CCNB2: variants seen among roughly 807,000 people sequenced by gnomAD.
The protein encoded by CCNB2 is cyclin B2, also known as G2/mitotic-specific cyclin-B2.
Under a neutral mutation model 51.1 loss-of-function variants are expected in CCNB2, and 39 were observed. The observed-to-expected ratio is 0.76, with a 90% CI of 0.59 to 1.00. CCNB2 has a LOEUF of 1.00. CCNB2 is among the 50% of genes least tolerant of loss of function. The pLI is 0.00. For missense variants in CCNB2, 472 were observed against 470.3 expected (o/e 1.00, Z -0.03); for synonymous variants, 174 against 165.5 (o/e 1.05, Z -0.40).
At chr15:59,120,610 G>T (rs1342867631) in intron 7 of CCNB2, among the ~76,000 whole-genome samples, 1 of 151,766 alleles carries the variant, frequency 6.6e-6, no homozygotes, top group East Asian at 1.9e-4. Context: ...ATAAAAGAGG[G>T]GTTCATTTTT....
At chr15:59,105,443 T>C in intron 1 of CCNB2, 151 bp downstream of exon 1, 2 of 925,840 alleles carry the variant, frequency 2.2e-6, no homozygotes, top group East Asian at 5.4e-5. Context: ...TCCCTGGCCC[T>C]GCGGCCGGTC....
chr15:59,106,366 A>G (rs1288968910), intron 1 of CCNB2, among the ~76,000 whole-genome samples: 1 of 152,170 alleles, frequency 6.6e-6, no homozygotes, highest in East Asian at 1.9e-4. Context: ...ACGTTATTTA[A>G]TAGTCAAAAC....
intron 3 of CCNB2, among the ~76,000 whole-genome samples, chr15:59,110,900 A>G (rs1455177688): frequency 6.6e-6 from 1 of 152,194 alleles, no homozygotes; most frequent in Non-Finnish European, 1.5e-5. Flanking sequence ...TACTAGTCCC[A>G]TGTTTGCTGG....
At chr15:59,117,146 G>A in intron 6 of CCNB2, 82 bp from the exon 7 acceptor site, 1 of 1,375,744 alleles carries the variant, frequency 7.3e-7, no homozygotes, top group Non-Finnish European at 1.0e-6. Context: ...AAGTGAATTG[G>A]AGTTCCTAGG....
rs1453710594 is a variant in CCNB2, at chr15:59,113,337, C to T, written c.268-1107C>T. On this transcript the variant is annotated intron_variant, in intron 3 of 8. Coordinates refer to ENST00000288207, the MANE Select transcript of CCNB2 (RefSeq NM_004701.4). ...TGCTACTAAAGTAGAATGATCAGCTCCAGTAATCTTTGAACCCAGGTGGTC... is the reference window on the plus strand; with the variant it reads ...TGCTACTAAAGTAGAATGATCAGCTTCAGTAATCTTTGAACCCAGGTGGTC... Among the ~76,000 whole-genome samples, 4 of 152,244 alleles carry T rather than the reference C, an allele frequency of 2.6e-5. No homozygotes were observed. The East Asian group carries it at 7.7e-4, about 29-fold the overall frequency.
Position 59,105,231 on chromosome 15 carries a change from C to A in CCNB2, c.-38C>A. On this transcript the variant is annotated 5_prime_UTR_variant, in exon 1 of 9. Transcript: ENST00000288207. ...CCTCCCTTTTCAGTCCGCGTCCCTCCCTGGGCCGGGCTGGCACTCTTGCCT... is the reference window on the plus strand; with the variant it reads ...CCTCCCTTTTCAGTCCGCGTCCCTCACTGGGCCGGGCTGGCACTCTTGCCT... The A allele has an allele frequency of 6.4e-7, 1 of 1,552,872 alleles. No homozygotes were observed. The highest frequency in any genetic ancestry group is 8.7e-7 in the Non-Finnish European group (1 of 1,149,128).
At chr15:59,120,128 G>A (rs774970262) in intron 7 of CCNB2, among the ~76,000 whole-genome samples, 7 of 152,094 alleles carry the variant, frequency 4.6e-5, no homozygotes, top group Non-Finnish European at 7.4e-5. Flanking sequence ...CATAATAAAG[G>A]GTCTCAGAAA....
At position 59,123,412 on chromosome 15, in the gene CCNB2, T is replaced by C. The variant is rs2140291965; in HGVS notation, c.976-105T>C. On this transcript the variant is annotated intron_variant, in intron 7 of 8. Transcript: ENST00000288207. ...GAAGGTAAGAATATTCTTGTACAGCTTTTACATAAGTAATGTCATCATGTA... is the reference window on the plus strand; with the variant it reads ...GAAGGTAAGAATATTCTTGTACAGCCTTTACATAAGTAATGTCATCATGTA... 8 of 675,458 alleles carry C rather than the reference T, an allele frequency of 1.2e-5. 1 individual carries two copies. In the East Asian group the frequency reaches 2.2e-4, roughly 18 times the overall value. 41.8% of individuals were successfully genotyped at this position (675,458 alleles called of 1,614,324 possible). A position where few individuals can be genotyped will look rare whatever the true frequency, so the allele number is the denominator to read the frequency against.
At chr15:59,116,568 T>C (rs1418763483) in intron 5 of CCNB2, 122 bp from the exon 6 acceptor site, 3 of 472,810 alleles carry the variant, frequency 6.3e-6, no homozygotes, top group African/African-American at 5.3e-5. Flanking sequence ...TCAGGTCTCC[T>C]GTGCCCTTAT....
At chr15:59,120,232 T>C (rs1257048121) in intron 7 of CCNB2, among the ~76,000 whole-genome samples, 3 of 152,134 alleles carry the variant, frequency 2.0e-5, no homozygotes, top group African/African-American at 7.2e-5. Flanking sequence ...TTTAGTGAAA[T>C]TGCTGATTTC....
Position 59,107,302 on chromosome 15 carries a change from CTTTTTT to C in CCNB2, c.25-9_25-4del. 2.9e-6 allele frequency: 4 copies of C among 1,387,914 alleles called. No individual in the cohort carries two copies. The highest frequency in any genetic ancestry group is 1.4e-5 in the South Asian group (1 of 71,416). The allele number at this position is 1,387,914 out of a possible 1,614,324, so 86.0% of individuals were successfully genotyped here. A position where few individuals can be genotyped will look rare whatever the true frequency, so the allele number is the denominator to read the frequency against. On this transcript the variant is annotated splice_polypyrimidine_tract_variant and intron_variant, in intron 1 of 8. Transcript: ENST00000288207. ...TTCAAATTCTTTCAAGGTTTCATTA[CTTTTTT>C]TTTTTTTTTTCAGGTGTCCAGTGAT...
intron 3 of CCNB2, among the ~76,000 whole-genome samples, chr15:59,110,675 T>C (rs1033124834): frequency 6.6e-5 from 10 of 152,214 alleles, no homozygotes; most frequent in African/African-American, 1.2e-4. Flanking sequence ...ATTTATACTA[T>C]CCTTTTTGCA....
intron 7 of CCNB2, among the ~76,000 whole-genome samples, chr15:59,120,648 T>C (rs1216187611): frequency 6.6e-6 from 1 of 152,226 alleles, no homozygotes; most frequent in East Asian, 1.9e-4. Flanking sequence ...CTAATTAAAG[T>C]AGAATGATAG....
At chr15:59,121,979 A>C (rs1415543410) in intron 7 of CCNB2, among the ~76,000 whole-genome samples, 1 of 139,382 alleles carries the variant, frequency 7.2e-6, no homozygotes, top group Admixed American at 7.4e-5. Context: ...TTACCCAGGC[A>C]TGGTGGCATA....
Position 59,122,811 on chromosome 15 carries a change from T to C in CCNB2, c.976-706T>C, listed in dbSNP as rs138214259. Among the ~76,000 whole-genome samples, 740 of 151,606 alleles carry C rather than the reference T, an allele frequency of 4.9e-3. 4 individuals carry two copies. Among genetic ancestry groups the C allele is most frequent in the African/African-American group, 0.016 (653 of 41,290 alleles). ...TTGGCCTCCGAAAGTGCTGGGATTA[T>C]AGGCGTGAGCCACTGTGCCCCGCCA... On this transcript the variant is annotated intron_variant, in intron 7 of 8. Coordinates refer to ENST00000288207, the MANE Select transcript of CCNB2 (RefSeq NM_004701.4).
At position 59,105,173 on chromosome 15, in the gene CCNB2, G is replaced by A. The variant is rs375932622; in HGVS notation, c.-96G>A. The A allele has an allele frequency of 5.2e-6, 6 of 1,164,564 alleles. No homozygotes were observed. The African/African-American group carries it at 7.6e-5, about 15-fold the overall frequency. The allele number at this position is 1,164,564 out of a possible 1,614,324, so 72.1% of individuals were successfully genotyped here. On this transcript the variant is annotated 5_prime_UTR_variant, in exon 1 of 9. Transcript: ENST00000288207. ...AGATCCCCAGCGCTGCGGGCTCGGAGAGCAGTCCTAACGGCGCCTCGTACG... is the reference window on the plus strand; with the variant it reads ...AGATCCCCAGCGCTGCGGGCTCGGAAAGCAGTCCTAACGGCGCCTCGTACG...
intron 3 of CCNB2, 110 bp from the exon 4 acceptor site, chr15:59,114,334 G>A: frequency 1.3e-6 from 1 of 761,658 alleles, no homozygotes. Flanking sequence ...AATTTGTTGT[G>A]TCTTTAACAT....
rs914106075 is a variant in CCNB2, at chr15:59,124,915, C to T, written c.*38C>T. 1 of 1,273,260 alleles carries T rather than the reference C, an allele frequency of 7.9e-7. No homozygotes were observed. 78.9% of individuals were successfully genotyped at this position (1,273,260 alleles called of 1,614,324 possible). A position where few individuals can be genotyped will look rare whatever the true frequency, so the allele number is the denominator to read the frequency against. On this transcript the variant is annotated 3_prime_UTR_variant, in exon 9 of 9. Coordinates refer to ENST00000288207, the MANE Select transcript of CCNB2 (RefSeq NM_004701.4). ...CCTGGGGATGTGTGCTTCATTGTGC[C>T]CTTTTTCTTATTGGTTTAGAACTCT...
chr15:59,114,730 A>G lies in CCNB2; in HGVS notation c.451A>G (p.Ile151Val), dbSNP rs2140288118. 8 of 1,611,810 alleles carry G rather than the reference A, an allele frequency of 5.0e-6. No homozygotes were observed. Among genetic ancestry groups the G allele is most frequent in the African/African-American group, 1.3e-5 (1 of 75,020 alleles). ...YLRQLEVLQS[I>V]NPHFLDGRDI... is the part of the protein sequence containing the mutation. The stretch of plus-strand genomic sequence containing the variant: ...ATTCTACCCACAGGTTTTGCAGTCC[A>G]TAAACCCACATTTCTTAGATGGAAG... The change falls in exon 5 of 9, where the codon ATA (isoleucine) becomes GTA (valine). Residue 151 changes from isoleucine to valine, a missense_variant. Ile to Val is a conservative substitution (Grantham distance 29). Transcript: ENST00000288207.
Sources: gnomAD v4.1 joint callset for allele counts (sites outside exome capture counted in the v4.1 genomes callset) on GRCh38, gnomAD v4.1.1 for gene constraint, MANE v1.5 for transcripts, NCBI Gene and HGNC (gene_info 2026-07-23, HGNC 2026-07-21) for gene names.